Variants in LOC131768270 observed in about 807,000 individuals in gnomAD.
the LOC131768270 span, chr5:140,568,174 C>A: frequency 6.2e-7 from 1 of 1,613,462 alleles, no homozygotes. Context: ...TGATTCCGGA[C>A]CCTGTAGATT....
the LOC131768270 span, chr5:140,566,736 C>T: frequency 1.7e-6 from 1 of 592,112 alleles, no homozygotes; most frequent in Non-Finnish European, 3.0e-6. Context: ...GGACTATTTG[C>T]AGTTGCTACG....
the LOC131768270 span, chr5:140,567,376 TCTGGTAGG>T: frequency 6.2e-7 from 1 of 1,614,046 alleles, no homozygotes; most frequent in South Asian, 1.1e-5. Context: ...CCTTCTCCCT[TCTGGTAGG>T]CTGGCAAGCA....
the LOC131768270 span, chr5:140,567,081 C>T: frequency 1.9e-6 from 3 of 1,596,270 alleles, no homozygotes; most frequent in East Asian, 2.2e-5. Flanking sequence ...CACGGCTTCT[C>T]CTTCCTGGGA....
the LOC131768270 span, chr5:140,567,612 T>TGCG: frequency 6.2e-7 from 1 of 1,614,214 alleles, no homozygotes; most frequent in Non-Finnish European, 8.5e-7. Flanking sequence ...GCGCTGCTGC[T>TGCG]GCTGATGGCT....
At chr5:140,568,064 C>T in the LOC131768270 span, 32 of 1,613,824 alleles carry the variant, frequency 2.0e-5, no homozygotes, top group Admixed American at 2.5e-4. Context: ...AGTCCTGCTA[C>T]GGCTGCAGCT....
At chr5:140,566,784 C>T in the LOC131768270 span, 3 of 599,292 alleles carry the variant, frequency 5.0e-6, no homozygotes, top group Non-Finnish European at 8.9e-6. Context: ...ATGGAAGAGG[C>T]AGGATGAGCA....
the LOC131768270 span, chr5:140,567,259 C>T: frequency 1.4e-5 from 22 of 1,614,108 alleles, no homozygotes; most frequent in Middle Eastern, 1.6e-4. Flanking sequence ...CTGCCATGTA[C>T]GGTGCCCATG....
At chr5:140,567,206 C>T in the LOC131768270 span, 57 of 1,613,470 alleles carry the variant, frequency 3.5e-5, 1 homozygote, top group Middle Eastern at 4.9e-4. Context: ...AGGCCTGGGC[C>T]GTCCCAGGCA....
chr5:140,567,794 C>T, the LOC131768270 span: 3 of 1,614,104 alleles, frequency 1.9e-6, no homozygotes, highest in South Asian at 2.2e-5. Context: ...CACAGAGCTG[C>T]TCATGAAGCG....
At chr5:140,568,091 C>G in the LOC131768270 span, 1 of 1,613,946 alleles carries the variant, frequency 6.2e-7, no homozygotes, top group Non-Finnish European at 8.5e-7. Context: ...CGCCTTCTTC[C>G]TGGCCACATT....
the LOC131768270 span, chr5:140,567,216 A>G: frequency 1.9e-6 from 3 of 1,614,162 alleles, no homozygotes; most frequent in Non-Finnish European, 1.7e-6. Flanking sequence ...CGTCCCAGGC[A>G]GGCCCGCTGG....
chr5:140,568,182 A>T, the LOC131768270 span: 2 of 1,612,988 alleles, frequency 1.2e-6, no homozygotes, highest in Admixed American at 1.7e-5. Context: ...GACCCTGTAG[A>T]TTGGGCGCCA....
chr5:140,566,481 G>A, the LOC131768270 span: 3 of 400,876 alleles, frequency 7.5e-6, no homozygotes, highest in Non-Finnish European at 8.8e-6. Context: ...AGCTGGTGGT[G>A]GAATGCTCTA....
the LOC131768270 span, chr5:140,566,905 A>G: frequency 1.6e-6 from 1 of 635,492 alleles, no homozygotes; most frequent in African/African-American, 1.8e-5. Context: ...CAGATTGTGG[A>G]CAGTAGTTCC....
chr5:140,568,075 C>G, the LOC131768270 span: 1 of 1,613,948 alleles, frequency 6.2e-7, no homozygotes, highest in Non-Finnish European at 8.5e-7. Flanking sequence ...GGCTGCAGCT[C>G]ACAGCCGCCT....
At chr5:140,567,987 A>G in the LOC131768270 span, 5 of 1,614,130 alleles carry the variant, frequency 3.1e-6, no homozygotes, top group Non-Finnish European at 4.2e-6. Flanking sequence ...GTCATGAAGC[A>G]TGGCAGCAGC....
At chr5:140,565,227 C>A in the LOC131768270 span, 1 of 273,380 alleles carries the variant, frequency 3.7e-6, no homozygotes, top group East Asian at 6.4e-5. Context: ...CATTCAAACA[C>A]TCCTTTGCAT....
At chr5:140,564,830 G>A in the LOC131768270 span, 4 of 402,976 alleles carry the variant, frequency 9.9e-6, no homozygotes, top group Non-Finnish European at 1.8e-5. The surrounding 1 kb of genome is among the most constrained non-coding windows in gnomAD (Gnocchi z 5.0). Flanking sequence ...TGCGCAACAA[G>A]TTCGGCGGGG....
chr5:140,566,462 G>A, the LOC131768270 span: 1 of 400,278 alleles, frequency 2.5e-6, no homozygotes, highest in Non-Finnish European at 4.4e-6. Context: ...GTTGTCCAGG[G>A]TGAGGAGGAG....
Sources: allele counts gnomAD v4.1 joint callset, GRCh38; gene constraint gnomAD v4.1.1; non-coding constraint Gnocchi (gnomAD v3.1); transcripts MANE v1.5.